DROSHA: variants seen among roughly 807,000 people sequenced by gnomAD.
DROSHA encodes drosha ribonuclease III, also known as ribonuclease 3.
A neutral mutation model predicts 181.9 loss-of-function variants in DROSHA; 56 were observed. That is an observed-to-expected ratio of 0.31 (90% CI 0.25 to 0.38). The LOEUF (loss-of-function observed/expected upper bound fraction) is 0.38. Ranked by LOEUF, DROSHA falls within the 10% of genes least tolerant of loss-of-function variation. DROSHA has a pLI of 1.00. For missense variants in DROSHA, 1,218 were observed against 1,743.5 expected, an observed-to-expected ratio of 0.70 and a Z score of 5.37; for synonymous variants, 524 against 591.2, an observed-to-expected ratio of 0.89 and a Z score of 1.65.
intron 20 of DROSHA, among the ~76,000 whole-genome samples, chr5:31,455,427 G>A (rs893071626): frequency 2.0e-5 from 3 of 151,874 alleles, no homozygotes; most frequent in Non-Finnish European, 2.9e-5. Flanking sequence ...AATGAAACGT[G>A]TAATACAAGA....
chr5:31,525,355 T>C (rs1363538931), intron 5 of DROSHA, among the ~76,000 whole-genome samples: 1 of 52,936 alleles, frequency 1.9e-5, no homozygotes, highest in Non-Finnish European at 4.2e-5. Flanking sequence ...AAAAAAAAAA[T>C]TAGCCGAGTG....
At chr5:31,429,948 AC>A (rs1043656903) in intron 26 of DROSHA, among the ~76,000 whole-genome samples, 1 of 152,198 alleles carries the variant, frequency 6.6e-6, no homozygotes, top group African/African-American at 2.4e-5. Context: ...GGAAAAAAAA[AC>A]CTGATAGACA....
chr5:31,459,055 A>G (rs1748037157), intron 20 of DROSHA, among the ~76,000 whole-genome samples: 1 of 152,242 alleles, frequency 6.6e-6, no homozygotes, highest in East Asian at 1.9e-4. Context: ...TATAGATTTC[A>G]CATGGATCCA....
intron 16 of DROSHA, among the ~76,000 whole-genome samples, chr5:31,473,231 G>A (rs1349684845): frequency 6.6e-6 from 1 of 152,212 alleles, no homozygotes; most frequent in African/African-American, 2.4e-5. Context: ...TCCTTGGTCA[G>A]AGGAATTAGT....
intron 31 of DROSHA, among the ~76,000 whole-genome samples, 160 bp downstream of exon 31, chr5:31,410,586 A>G (rs1579987155): frequency 6.6e-6 from 1 of 152,220 alleles, no homozygotes; most frequent in East Asian, 1.9e-4. Flanking sequence ...GTTTCAAATT[A>G]TTTTCCTTCA....
At chr5:31,418,218 G>T (rs546007183) in intron 30 of DROSHA, among the ~76,000 whole-genome samples, 3,623 of 149,430 alleles carry the variant, frequency 0.024, 67 homozygotes, top group Non-Finnish European at 0.037. Context: ...ATGTGTGTGT[G>T]GTGTGTGTGT....
chr5:31,505,691 C>A (rs957715744), intron 10 of DROSHA: 4 of 152,112 alleles, frequency 2.6e-5, no homozygotes, highest in Admixed American at 6.5e-5. Context: ...ATAGGCTGGT[C>A]AGAGTGTAAT....
intron 11 of DROSHA, among the ~76,000 whole-genome samples, 162 bp from the exon 12 acceptor site, chr5:31,495,534 C>CAATA (rs1383355238): frequency 6.6e-6 from 1 of 152,154 alleles, no homozygotes; most frequent in Admixed American, 6.5e-5. Context: ...ATACCTAGAC[C>CAATA]AATAAAAAAG....
At position 31,484,717 on chromosome 5, in the gene DROSHA, C is replaced by T. The variant is rs139514889; in HGVS notation, c.1996+164G>A. The stretch of plus-strand genomic sequence containing the variant: ...AAAGTAAAATCCATAGAAACTTATT[C>T]ATGTCAAATGATAACAAGCATTCCT... On this transcript the variant is annotated intron_variant, in intron 15 of 35. Transcript: ENST00000344624. Among the ~76,000 whole-genome samples the T allele has an allele frequency of 1.4e-3, 209 of 152,288 alleles. 1 individual carries two copies. The highest frequency in any genetic ancestry group is 2.4e-3 in the Non-Finnish European group (162 of 68,020).
chr5:31,519,582 A>G (rs1240750140), intron 6 of DROSHA, among the ~76,000 whole-genome samples: 1 of 152,194 alleles, frequency 6.6e-6, no homozygotes, highest in African/African-American at 2.4e-5. Flanking sequence ...AACAACGATA[A>G]GCAATGGGGC....
At chr5:31,424,275 C>G (rs114023812) in intron 28 of DROSHA, among the ~76,000 whole-genome samples, 152 bp downstream of exon 28, 156 of 152,164 alleles carry the variant, frequency 1.0e-3, no homozygotes, top group African/African-American at 3.6e-3. Flanking sequence ...CCTATTGTTC[C>G]AAAGTTTTCC....
intron 33 of DROSHA, among the ~76,000 whole-genome samples, chr5:31,407,759 A>G (rs1740825572): frequency 6.6e-6 from 1 of 152,210 alleles, no homozygotes; most frequent in Non-Finnish European, 1.5e-5. Flanking sequence ...CGTACGCTCC[A>G]TGGGATGAAT....
chr5:31,470,443 A>G lies in DROSHA; in HGVS notation c.2241+1620T>C, dbSNP rs58763180. Among the ~76,000 whole-genome samples, 15,152 of 152,020 alleles carry G rather than the reference A, an allele frequency of 0.1. 1,420 individuals are homozygous for G. The highest frequency in any genetic ancestry group is 0.23 in the African/African-American group (9,659 of 41,412). ...CATCATACATTAGTTTGGTGCAAAA[A>G]TAGTTGCGGTATGGCAGACCCCCGC... On this transcript the variant is annotated intron_variant, in intron 17 of 35. Transcript: ENST00000344624. This position sits in a 1 kb window ranked among gnomAD's most constrained non-coding sequence, Gnocchi z 4.0.
chr5:31,423,836 G>C (rs1052617931), intron 28 of DROSHA, among the ~76,000 whole-genome samples: 21 of 152,080 alleles, frequency 1.4e-4, no homozygotes, highest in African/African-American at 4.6e-4. Context: ...GCAAAGAATA[G>C]TAAGAATTCT....
chr5:31,406,490 CA>C (rs879383121), intron 34 of DROSHA, among the ~76,000 whole-genome samples: 54 of 142,490 alleles, frequency 3.8e-4, no homozygotes, highest in African/African-American at 7.0e-4. Context: ...ACTCTGTCTC[CA>C]AAAAAAAAAA....
rs181670513 is a variant in DROSHA, at chr5:31,443,898, T to C, written c.2882+4649A>G. Among the ~76,000 whole-genome samples the C allele has an allele frequency of 1.1e-3, 161 of 152,332 alleles. 4 individuals carry two copies. Among genetic ancestry groups the C allele is most frequent in the African/African-American group, 3.7e-3 (154 of 41,566 alleles). ...ATACTTATTTACTGAGTACCTGTTC[T>C]GTGAAAGGCACTAGTTACAAAGAAC... On this transcript the variant is annotated intron_variant, in intron 23 of 35. Coordinates refer to ENST00000344624, the MANE Select transcript of DROSHA (RefSeq NM_001382508.1).
rs1741065894 is a variant in DROSHA at position 31,409,720 on chromosome 5, T to C, written c.3668-388A>G. On this transcript the variant is annotated intron_variant, in intron 31 of 35. Coordinates refer to ENST00000344624, the MANE Select transcript of DROSHA (RefSeq NM_001382508.1). The surrounding 1 kb of genome is among the most constrained non-coding windows in gnomAD (Gnocchi z 4.0). ...ACGCACATTCTTGGGTCTTGCCATT[T>C]TCAACACCAATCCTGAGATCCCCTG... 6.6e-6 allele frequency among the ~76,000 whole-genome samples: 1 copy of C among 152,212 alleles called. No individual in the cohort carries two copies. The highest frequency in any genetic ancestry group is 6.5e-5 in the Admixed American group (1 of 15,278).
chr5:31,451,907 C>T (rs1747083704), intron 20 of DROSHA, among the ~76,000 whole-genome samples: 1 of 152,144 alleles, frequency 6.6e-6, no homozygotes, highest in Non-Finnish European at 1.5e-5. Flanking sequence ...GTTATCTTAC[C>T]TCTCTGCCTC....
intron 29 of DROSHA, among the ~76,000 whole-genome samples, chr5:31,422,184 A>G (rs1381933319): frequency 6.6e-6 from 1 of 152,020 alleles, no homozygotes; most frequent in Non-Finnish European, 1.5e-5. Context: ...AAAAAAATCT[A>G]TGATAAGAAT....
Sources: allele counts gnomAD v4.1 joint callset (sites outside exome capture counted in the v4.1 genomes callset), GRCh38; gene constraint gnomAD v4.1.1; non-coding constraint Gnocchi (gnomAD v3.1); transcripts MANE v1.5; gene names NCBI Gene and HGNC (gene_info 2026-07-23, HGNC 2026-07-21).